The following R3HDM2 variants were observed in gnomAD, a reference collection of about 807,000 sequenced individuals.
The protein encoded by R3HDM2 is R3H domain containing 2, also known as R3H domain-containing protein 2.
Under a neutral mutation model 124.5 loss-of-function variants are expected in R3HDM2, and 38 were observed. The ratio of observed to expected loss-of-function variants is 0.31; its 90% CI spans 0.24 to 0.40. The LOEUF (loss-of-function observed/expected upper bound fraction) is 0.40. Among genes scored for constraint, R3HDM2 ranks in the 10% least tolerant of loss-of-function variants. The pLI, the probability that R3HDM2 is intolerant of heterozygous loss-of-function variation, is 1.00. For missense variants in R3HDM2, 869 were observed against 1,236.9 expected (o/e 0.70, Z 4.46); for synonymous variants, 391 against 448.0 (o/e 0.87, Z 1.61).
intron 2 of R3HDM2, among the ~76,000 whole-genome samples, chr12:57,383,513 G>C (rs2065213210): frequency 6.6e-6 from 1 of 151,432 alleles, no homozygotes; most frequent in Non-Finnish European, 1.5e-5. Flanking sequence ...GACCAGCCTG[G>C]CCAACATGGT....
At chr12:57,323,076 T>A (rs906328572) in intron 2 of R3HDM2, among the ~76,000 whole-genome samples, 1 of 151,896 alleles carries the variant, frequency 6.6e-6, no homozygotes, top group African/African-American at 2.4e-5. Flanking sequence ...CCAAAAAAAA[T>A]AAAGATATCA....
At chr12:57,269,697 A>T in intron 15 of R3HDM2, 55 bp downstream of exon 15, 1 of 1,609,424 alleles carries the variant, frequency 6.2e-7, no homozygotes. Context: ...TAAAGAAAGT[A>T]TAATACTAGA....
At chr12:57,396,964 G>A (rs1285228554) in intron 1 of R3HDM2, among the ~76,000 whole-genome samples, 1 of 151,918 alleles carries the variant, frequency 6.6e-6, no homozygotes, top group Non-Finnish European at 1.5e-5. Flanking sequence ...AAGGTGGCAT[G>A]TACCTGTAAT....
chr12:57,313,389 G>A (rs530177742), intron 2 of R3HDM2, among the ~76,000 whole-genome samples: 1 of 151,808 alleles, frequency 6.6e-6, no homozygotes, highest in Admixed American at 6.6e-5. Context: ...GTGAGACCCT[G>A]TCTCTACAAA....
rs955667609 is a variant in R3HDM2, at chr12:57,332,676, C to T, written c.-35-22213G>A. On this transcript the variant is annotated intron_variant, in intron 2 of 23. Transcript: ENST00000402412. ...TCAAGCTTATAACCTGTGAATCTAA[C>T]GTGATACTTTTTTCCTCCTGCTTTG... Among the ~76,000 whole-genome samples the T allele has an allele frequency of 3.3e-5, 5 of 152,160 alleles. No individual in the cohort carries two copies. In the South Asian group the frequency reaches 8.3e-4, roughly 25 times the overall value.
In R3HDM2 at chr12:57,346,017, G is replaced by A. The variant is rs572429091; in HGVS notation, c.-35-35554C>T. Among the ~76,000 whole-genome samples, 17 of 152,106 alleles carry A rather than the reference G, an allele frequency of 1.1e-4. No homozygotes were observed. The East Asian group carries it at 3.1e-3, about 28-fold the overall frequency. ...TCTACCAAAAATACAAAAATTAGCC[G>A]GGCGTGGTGGTGGGTGCCTGTAATC... On this transcript the variant is annotated intron_variant, in intron 2 of 23. Coordinates refer to ENST00000402412, the MANE Select transcript of R3HDM2 (RefSeq NM_001394031.1).
intron 1 of R3HDM2, among the ~76,000 whole-genome samples, chr12:57,421,450 C>CTT (rs71084752): frequency 9.9e-5 from 11 of 111,038 alleles, no homozygotes; most frequent in South Asian, 9.7e-4. Flanking sequence ...ACACCCAGCT[C>CTT]TTTTTTTTTT....
At chr12:57,399,026 C>CA (rs2067825044) in intron 1 of R3HDM2, among the ~76,000 whole-genome samples, 3 of 152,260 alleles carry the variant, frequency 2.0e-5, no homozygotes, top group African/African-American at 7.2e-5. Flanking sequence ...GATAAGACTT[C>CA]TATGAAGGAT....
chr12:57,266,604 A>T (rs966972503), intron 19 of R3HDM2, 127 bp downstream of exon 19: 14 of 719,446 alleles, frequency 1.9e-5, no homozygotes, highest in Middle Eastern at 2.4e-4. Context: ...TTTCTTTGTG[A>T]TGGAGTCACA....
intron 2 of R3HDM2, among the ~76,000 whole-genome samples, chr12:57,355,115 T>C (rs1056648350): frequency 1.3e-5 from 2 of 151,940 alleles, no homozygotes; most frequent in African/African-American, 4.8e-5. Context: ...AATTTTTTGA[T>C]GTAAGTTTGA....
rs141462396 is a variant in R3HDM2 at position 57,330,447 on chromosome 12, G to A, written c.-35-19984C>T. Among the ~76,000 whole-genome samples the A allele has an allele frequency of 1.9e-3, 285 of 150,688 alleles. 3 individuals are homozygous for A. The highest frequency in any genetic ancestry group is 6.5e-3 in the African/African-American group (266 of 41,028). On this transcript the variant is annotated intron_variant, in intron 2 of 23. Coordinates refer to ENST00000402412, the MANE Select transcript of R3HDM2 (RefSeq NM_001394031.1). ...CAACCTCCGCCTCCTGGGTTCAAGCGATTCTCCTGCCTCAGCCTCCTGAGT... is the reference window on the plus strand; with the variant it reads ...CAACCTCCGCCTCCTGGGTTCAAGCAATTCTCCTGCCTCAGCCTCCTGAGT...
chr12:57,402,324 C>T (rs1477684987), intron 1 of R3HDM2, among the ~76,000 whole-genome samples: 1 of 151,714 alleles, frequency 6.6e-6, no homozygotes, highest in Non-Finnish European at 1.5e-5. Flanking sequence ...ACATATCCCA[C>T]AATACTCTGC....
chr12:57,389,775 T>G (rs1167259376), intron 2 of R3HDM2, among the ~76,000 whole-genome samples: 1 of 152,134 alleles, frequency 6.6e-6, no homozygotes, highest in African/African-American at 2.4e-5. Context: ...AAGCATATGA[T>G]AACACCCAGA....
chr12:57,346,912 ACT>A (rs1164307326), intron 2 of R3HDM2, among the ~76,000 whole-genome samples: 3 of 152,110 alleles, frequency 2.0e-5, no homozygotes, highest in Non-Finnish European at 4.4e-5. Flanking sequence ...AGGTTTCAAG[ACT>A]CCACCTGAAA....
intron 2 of R3HDM2, among the ~76,000 whole-genome samples, chr12:57,382,175 C>T (rs1284141071): frequency 6.6e-6 from 1 of 151,096 alleles, no homozygotes; most frequent in East Asian, 2.0e-4. Context: ...AGTGCAATGA[C>T]ACAATCGTGG....
intron 2 of R3HDM2, among the ~76,000 whole-genome samples, chr12:57,338,762 A>C (rs1354874303): frequency 6.6e-6 from 1 of 151,480 alleles, no homozygotes; most frequent in African/African-American, 2.4e-5. Flanking sequence ...TTCCTCAAAA[A>C]TTACATGTGA....
chr12:57,339,839 A>G (rs1227444721), intron 2 of R3HDM2, among the ~76,000 whole-genome samples: 2 of 152,286 alleles, frequency 1.3e-5, no homozygotes, highest in South Asian at 2.1e-4. Context: ...TCCTTCCAAC[A>G]TATATATCAC....
intron 1 of R3HDM2, among the ~76,000 whole-genome samples, chr12:57,419,497 A>G (rs1361637337): frequency 6.6e-6 from 1 of 151,342 alleles, no homozygotes; most frequent in Non-Finnish European, 1.5e-5. Context: ...CCTGGGGTAC[A>G]GTGGTGCAAT....
chr12:57,291,671 A>T (rs561279423), intron 11 of R3HDM2, among the ~76,000 whole-genome samples: 3 of 152,038 alleles, frequency 2.0e-5, no homozygotes, highest in East Asian at 3.9e-4. Context: ...AAAAACAAAA[A>T]AAAACAAAAT....
Sources: gnomAD v4.1 joint callset for allele counts (sites outside exome capture counted in the v4.1 genomes callset) on GRCh38, gnomAD v4.1.1 for gene constraint, MANE v1.5 for transcripts, NCBI Gene and HGNC (gene_info 2026-07-23, HGNC 2026-07-21) for gene names.